Variants in DNAJC18 observed in about 807,000 individuals in gnomAD.
DNAJC18 encodes dnaJ homolog subfamily C member 18.
In DNAJC18, 40 loss-of-function variants were observed where a neutral mutation model predicts 48.6. The ratio of observed to expected loss-of-function variants is 0.82; its 90% CI spans 0.64 to 1.07. DNAJC18 has a LOEUF of 1.07. Among genes scored for constraint, DNAJC18 ranks in the 50% least tolerant of loss-of-function variants. The pLI is 0.00. For missense variants in DNAJC18, 340 were observed against 427.7 expected (o/e 0.79, Z 1.81); for synonymous variants, 135 against 152.2 (o/e 0.89, Z 0.83).
At chr5:139,420,557 G>A (rs150541427) in intron 6 of DNAJC18, among the ~76,000 whole-genome samples, 1 of 146,500 alleles carries the variant, frequency 6.8e-6, no homozygotes, top group Non-Finnish European at 1.5e-5. Flanking sequence ...GATCTAGTAT[G>A]GTACCTGACA....
chr5:139,420,330 AGGC>A, intron 6 of DNAJC18, 105 bp from the exon 7 acceptor site: 16 of 1,173,758 alleles, frequency 1.4e-5, no homozygotes, highest in Non-Finnish European at 1.6e-5. Flanking sequence ...CATAGAGCAG[AGGC>A]AGATATCATT....
chr5:139,426,519 C>T (rs1759246254), intron 3 of DNAJC18, among the ~76,000 whole-genome samples, 162 bp from the exon 4 acceptor site: 1 of 152,148 alleles, frequency 6.6e-6, no homozygotes, highest in Non-Finnish European at 1.5e-5. Context: ...CAGTGCTTGC[C>T]CTTCAGGTTT....
chr5:139,428,811 G>A (rs574959408), intron 2 of DNAJC18, 128 bp from the exon 3 acceptor site: 59 of 1,127,402 alleles, frequency 5.2e-5, no homozygotes, highest in East Asian at 3.7e-4. Context: ...TAGTGCACAC[G>A]TTAATGAAAC....
intron 4 of DNAJC18, 46 bp downstream of exon 4, chr5:139,426,126 A>G (rs1315021044): frequency 6.3e-7 from 1 of 1,579,252 alleles, no homozygotes; most frequent in Non-Finnish European, 8.6e-7. Context: ...GCTGAGAGCC[A>G]TAAATAAAGA....
chr5:139,414,122 C>T lies in DNAJC18; in HGVS notation c.*26G>A, dbSNP rs1239447788. 1.3e-6 allele frequency: 2 copies of T among 1,599,748 alleles called. No homozygotes were observed. The highest frequency in any genetic ancestry group is 1.7e-6 in the Non-Finnish European group (2 of 1,175,628). On this transcript the variant is annotated 3_prime_UTR_variant, in exon 8 of 8. Transcript: ENST00000302060. Reference sequence around the variant, plus strand: ...TAAATAGGAACAAGTAGCAAAACCCCAGCCCTGCGTAGGACCATTATCCTC... The same window carrying T: ...TAAATAGGAACAAGTAGCAAAACCCTAGCCCTGCGTAGGACCATTATCCTC...
At chr5:139,435,126 C>T (rs889139461) in intron 2 of DNAJC18, among the ~76,000 whole-genome samples, 8 of 151,938 alleles carry the variant, frequency 5.3e-5, no homozygotes, top group Non-Finnish European at 8.8e-5. Context: ...TTTGGGAGGC[C>T]GAGGCGGGCA....
chr5:139,428,448 C>G, intron 3 of DNAJC18, 90 bp downstream of exon 3: 1 of 1,510,288 alleles, frequency 6.6e-7, no homozygotes, highest in Non-Finnish European at 8.9e-7. Context: ...CTCCTTATGG[C>G]CTTATAAAAC....
rs1000154802 is a variant in DNAJC18, at chr5:139,413,980, A to T, written c.*168T>A. 5 of 949,712 alleles carry T rather than the reference A, an allele frequency of 5.3e-6. No homozygotes were observed. In the Admixed American group the frequency reaches 9.3e-5, roughly 18 times the overall value. The allele number at this position is 949,712 out of a possible 1,614,324, so 58.8% of individuals were successfully genotyped here. A position where few individuals can be genotyped will look rare whatever the true frequency, so the allele number is the denominator to read the frequency against. ...GCCACTCCCCAGGAAGGATCCTGTG[A>T]AGACACATCTGGCTCTCGTGCCCAT... On this transcript the variant is annotated 3_prime_UTR_variant, in exon 8 of 8. Coordinates refer to ENST00000302060, the MANE Select transcript of DNAJC18 (RefSeq NM_152686.4).
chr5:139,422,980 C>G (rs1271041247), intron 5 of DNAJC18, among the ~76,000 whole-genome samples, 163 bp from the exon 6 acceptor site: 1 of 151,778 alleles, frequency 6.6e-6, no homozygotes, highest in African/African-American at 2.4e-5. Flanking sequence ...GGACTACAGG[C>G]ACCCGCCACC....
intron 2 of DNAJC18, among the ~76,000 whole-genome samples, chr5:139,429,909 AG>A (rs1759302805): frequency 1.3e-5 from 2 of 152,234 alleles, no homozygotes; most frequent in African/African-American, 4.8e-5. Flanking sequence ...CCTGGGCAAC[AG>A]AGCATGATCC....
intron 2 of DNAJC18, among the ~76,000 whole-genome samples, 185 bp downstream of exon 2, chr5:139,437,187 A>G (rs760115828): frequency 6.6e-6 from 1 of 152,178 alleles, no homozygotes; most frequent in Non-Finnish European, 1.5e-5. Flanking sequence ...GAAGCAGGGT[A>G]GTCAGTTCAT....
At position 139,422,659 on chromosome 5, in the gene DNAJC18, T is replaced by C. The variant is rs548587933; in HGVS notation, c.779+49A>G. 44 of 1,387,794 alleles carry C rather than the reference T, an allele frequency of 3.2e-5. No individual in the cohort carries two copies. The Middle Eastern group carries it at 1.0e-3, about 33-fold the overall frequency. The allele number at this position is 1,387,794 out of a possible 1,614,324, so 86.0% of individuals were successfully genotyped here. ...AATGTATCAGCAAAACCTTCAAGTC[T>C]TTCACCCCCAGACTGTTACTGAGAA... On this transcript the variant is annotated intron_variant, in intron 6 of 7. Transcript: ENST00000302060.
In DNAJC18 at chr5:139,425,067, G is replaced by A. The variant is rs1759214450; in HGVS notation, c.607C>T (p.Arg203Cys). The A allele has an allele frequency of 4.3e-6, 7 of 1,613,144 alleles. No homozygotes were observed. Among genetic ancestry groups the A allele is most frequent in the East Asian group, 2.2e-5 (1 of 44,856 alleles). ...SNVTDDTYYY[R>C]RRHRHERTQT... ...GTCCTCTCATGTCGGTGCCGTCGAC[G>A]GTAATAGTAAGTGTCATCTGTCACA... is the stretch of plus-strand genomic sequence containing the variant. The change falls in exon 5 of 8, where the codon CGT (arginine) becomes TGT (cysteine). Residue 203 changes from arginine (R) to cysteine (C), a missense_variant. By Grantham distance (180) the Arg-to-Cys change is radical. Transcript: ENST00000302060.
Position 139,439,399 on chromosome 5 carries a change from C to T in DNAJC18, c.40+7G>A, listed in dbSNP as rs749942251. 6.8e-6 allele frequency: 11 copies of T among 1,614,148 alleles called. No individual in the cohort carries two copies. In the South Asian group the frequency reaches 1.1e-4, roughly 16 times the overall value. ...CCCTATCCCTCCTTCAGGCGGGGAC[C>T]TAGTACCTTCCGTCCAGCGCTCCCC... On this transcript the variant is annotated splice_region_variant and intron_variant, in intron 1 of 7. Coordinates refer to ENST00000302060, the MANE Select transcript of DNAJC18 (RefSeq NM_152686.4). The surrounding 1 kb of genome is among the most constrained non-coding windows in gnomAD (Gnocchi z 4.1).
intron 7 of DNAJC18, among the ~76,000 whole-genome samples, chr5:139,415,490 T>A (rs1759057646): frequency 6.6e-6 from 1 of 152,254 alleles, no homozygotes; most frequent in Non-Finnish European, 1.5e-5. Context: ...GCCTGGGCTC[T>A]AGCCCAGCAG....
At chr5:139,423,653 G>C (rs1759187520) in intron 5 of DNAJC18, among the ~76,000 whole-genome samples, 1 of 151,452 alleles carries the variant, frequency 6.6e-6, no homozygotes, top group South Asian at 2.1e-4. Context: ...TTCCCCCAAA[G>C]TGTTAGGATT....
intron 1 of DNAJC18, among the ~76,000 whole-genome samples, 200 bp from the exon 2 acceptor site, chr5:139,437,758 C>A (rs749151334): frequency 6.6e-6 from 1 of 152,164 alleles, no homozygotes; most frequent in Non-Finnish European, 1.5e-5. Flanking sequence ...TCAGAAGAGA[C>A]ACTGCTCGTA....
At chr5:139,438,042 C>T (rs1159747355) in intron 1 of DNAJC18, among the ~76,000 whole-genome samples, 2 of 152,184 alleles carry the variant, frequency 1.3e-5, no homozygotes, top group African/African-American at 4.8e-5. Flanking sequence ...GAGGGCCGGG[C>T]GCGGTGGCTC....
intron 6 of DNAJC18, among the ~76,000 whole-genome samples, chr5:139,421,552 T>A (rs1759153162): frequency 6.6e-6 from 1 of 152,172 alleles, no homozygotes; most frequent in Non-Finnish European, 1.5e-5. Flanking sequence ...ATGCCTGTAA[T>A]CCCAGCACTT....
Sources: gnomAD v4.1 joint callset for allele counts (sites outside exome capture counted in the v4.1 genomes callset) on GRCh38, gnomAD v4.1.1 for gene constraint, Gnocchi (gnomAD v3.1) non-coding constraint, MANE v1.5 for transcripts, NCBI Gene and HGNC (gene_info 2026-07-23, HGNC 2026-07-21) for gene names.